The following PDZD2 variants were observed in gnomAD, a reference collection of about 807,000 sequenced individuals.
PDZD2 encodes the protein PDZ domain containing 2, also known as PDZ domain-containing protein 2.
PDZD2 carries 90 observed loss-of-function variants against 220.7 expected under a neutral mutation model. The observed-to-expected ratio is 0.41, with a 90% CI of 0.34 to 0.49. The LOEUF (loss-of-function observed/expected upper bound fraction) is 0.49, where lower values mean the gene tolerates loss of function less well. Among genes scored for constraint, PDZD2 ranks in the 20% least tolerant of loss-of-function variants. The probability of loss-of-function intolerance (pLI) is 0.28; values close to 1 mark genes in which losing one functional copy is unlikely to be tolerated. For missense variants in PDZD2, 3,174 were observed against 3,608.5 expected (o/e 0.88, Z 3.08); for synonymous variants, 1,375 against 1,450.5 (o/e 0.95, Z 1.18).
intron 2 of PDZD2, among the ~76,000 whole-genome samples, chr5:31,904,511 A>G (rs1013014300): frequency 6.6e-6 from 1 of 152,116 alleles, no homozygotes; most frequent in Non-Finnish European, 1.5e-5. Flanking sequence ...GGAAATCAAT[A>G]CTTGTTAATA....
intron 1 of PDZD2, among the ~76,000 whole-genome samples, chr5:31,698,789 C>T (rs150382829): frequency 0.01 from 1,526 of 152,264 alleles, 11 homozygotes; most frequent in Non-Finnish European, 0.014. Flanking sequence ...CAAGGTTACA[C>T]GAGGAAGTAC....
chr5:31,949,561 C>T (rs1746984897), intron 2 of PDZD2, among the ~76,000 whole-genome samples: 1 of 152,008 alleles, frequency 6.6e-6, no homozygotes, highest in African/African-American at 2.4e-5. Context: ...TGTATGAAAC[C>T]ATCATATCCT....
rs550990796 is a variant in PDZD2, at chr5:31,863,755, G to A, written c.476+64031G>A. On this transcript the variant is annotated intron_variant, in intron 2 of 24. Coordinates refer to ENST00000438447, the MANE Select transcript of PDZD2 (RefSeq NM_178140.4). ...ATTCCTTAGACAATATAAGCATTCC[G>A]TGGAAGTTTACACATAAAGAAATTT... Among the ~76,000 whole-genome samples, 13 of 152,232 alleles carry A rather than the reference G, an allele frequency of 8.5e-5. No homozygotes were observed. In the South Asian group the frequency reaches 2.1e-3, roughly 24 times the overall value.
chr5:32,006,698 T>C (rs1351424517), intron 5 of PDZD2, among the ~76,000 whole-genome samples: 3 of 143,116 alleles, frequency 2.1e-5, no homozygotes, highest in African/African-American at 7.9e-5. Flanking sequence ...TTTTTTTTTT[T>C]TTTTTTCCTG....
At chr5:31,974,517 C>T (rs1234250068) in intron 2 of PDZD2, among the ~76,000 whole-genome samples, 2 of 152,086 alleles carry the variant, frequency 1.3e-5, no homozygotes, top group African/African-American at 4.8e-5. Context: ...TGTGTATTTT[C>T]CCATTATACA....
intron 15 of PDZD2, 114 bp from the exon 16 acceptor site, chr5:32,071,270 C>A: frequency 1.3e-6 from 1 of 795,644 alleles, no homozygotes; most frequent in Non-Finnish European, 2.3e-6. Context: ...CGTCATCAAG[C>A]AAAGGGAGTT....
rs530880738 is a variant in PDZD2, at chr5:32,097,642, C to A, written c.7947+262C>A. Reference sequence around the variant, plus strand: ...TCGCTATAGCCTTATAATTTACCTCCATATTTTAAGCAGTAGAAAACATTA... The same window carrying A: ...TCGCTATAGCCTTATAATTTACCTCAATATTTTAAGCAGTAGAAAACATTA... On this transcript the variant is annotated intron_variant, in intron 22 of 24. Coordinates refer to ENST00000438447, the MANE Select transcript of PDZD2 (RefSeq NM_178140.4). Among the ~76,000 whole-genome samples the A allele has an allele frequency of 3.9e-5, 6 of 152,322 alleles. No individual in the cohort carries two copies. In the East Asian group the frequency reaches 9.6e-4, roughly 24 times the overall value.
Position 32,088,965 on chromosome 5 carries a change from A to C in PDZD2, c.5517A>C (p.Ser1839=). 2 of 1,614,052 alleles carry C rather than the reference A, an allele frequency of 1.2e-6. No individual in the cohort carries two copies. Among genetic ancestry groups the C allele is most frequent in the Non-Finnish European group, 1.7e-6 (2 of 1,180,008 alleles). Reference sequence around the variant, plus strand: ...ACTCCAAGATTCAGATGGTGAGTTCAAGCCAAAAAAAGGGCGTTACTGTGC... The same window carrying C: ...ACTCCAAGATTCAGATGGTGAGTTCCAGCCAAAAAAAGGGCGTTACTGTGC... ...SPDSKIQMVS[S]SQKKGVTVPH... Residue 1839 remains serine (S), a synonymous_variant, in exon 20 of 25, where the codon TCA becomes TCC. Coordinates refer to ENST00000438447, the MANE Select transcript of PDZD2 (RefSeq NM_178140.4). This position sits in a 1 kb window ranked among gnomAD's most constrained non-coding sequence, Gnocchi z 4.6.
chr5:31,866,281 G>A (rs1329345936), intron 2 of PDZD2, among the ~76,000 whole-genome samples: 2 of 152,174 alleles, frequency 1.3e-5, no homozygotes, highest in Non-Finnish European at 2.9e-5. Flanking sequence ...TTACAGGCAT[G>A]AGCCACCGCA....
rs139966462 is a variant in PDZD2 at position 32,090,514 on chromosome 5, G to A, written c.7066G>A (p.Gly2356Arg). The change falls in exon 20 of 25, where the codon GGG becomes AGG. Residue 2356 changes from glycine (G) to arginine (R), a missense_variant. Gly to Arg is a moderately radical substitution (Grantham distance 125). Coordinates refer to ENST00000438447, the MANE Select transcript of PDZD2 (RefSeq NM_178140.4). This position sits in a 1 kb window ranked among gnomAD's most constrained non-coding sequence, Gnocchi z 4.3. ...TGCTGACCGGCCTGTAGCCAAGTCCGGGGCTTCCCCATTTTTGTCGGTGAG... is the reference window on the plus strand; with the variant it reads ...TGCTGACCGGCCTGTAGCCAAGTCCAGGGCTTCCCCATTTTTGTCGGTGAG... ...ANADRPVAKS[G>R]ASPFLSVSSK... 2.3e-3 allele frequency: 3,767 copies of A among 1,613,926 alleles called. 9 individuals are homozygous for A. Among genetic ancestry groups the A allele is most frequent in the Non-Finnish European group, 2.8e-3 (3,269 of 1,179,982 alleles).
At chr5:31,774,918 A>AT (rs1473120151) in intron 1 of PDZD2, among the ~76,000 whole-genome samples, 4 of 152,322 alleles carry the variant, frequency 2.6e-5, no homozygotes, top group Non-Finnish European at 4.4e-5. Flanking sequence ...GCTGGCAGGG[A>AT]GGGGCCATCC....
intron 6 of PDZD2, among the ~76,000 whole-genome samples, chr5:32,024,447 C>T (rs1006052744): frequency 6.6e-6 from 1 of 151,992 alleles, no homozygotes; most frequent in Non-Finnish European, 1.5e-5. Flanking sequence ...CTTCGGGAGG[C>T]CAAGGCGGGC....
chr5:32,045,264 A>G (rs1226885758), intron 7 of PDZD2, among the ~76,000 whole-genome samples: 1 of 152,220 alleles, frequency 6.6e-6, no homozygotes, highest in East Asian at 1.9e-4. Context: ...ACTGGCTCCA[A>G]AATGGCTAAA....
chr5:31,947,378 G>A (rs1746739025), intron 2 of PDZD2, among the ~76,000 whole-genome samples: 1 of 152,090 alleles, frequency 6.6e-6, no homozygotes, highest in Non-Finnish European at 1.5e-5. Flanking sequence ...CTTGAGTGAC[G>A]TCAACCATCC....
At chr5:31,960,646 C>T (rs143354357) in intron 2 of PDZD2, among the ~76,000 whole-genome samples, 7 of 152,258 alleles carry the variant, frequency 4.6e-5, no homozygotes, top group Admixed American at 1.3e-4. Flanking sequence ...TGCTGGACCA[C>T]GAACCACTGC....
chr5:31,966,595 A>T (rs1340451515), intron 2 of PDZD2, among the ~76,000 whole-genome samples: 1 of 152,194 alleles, frequency 6.6e-6, no homozygotes, highest in Non-Finnish European at 1.5e-5. Flanking sequence ...AGAATCCAAG[A>T]CTTAAAAGTT....
At position 31,865,112 on chromosome 5, in the gene PDZD2, G is replaced by T. The variant is rs149378431; in HGVS notation, c.476+65388G>T. ...TCCGCCCGCCTCAGCCTCCCAAAGT[G>T]CTGGGATTACAGGCGTGAACCATCG... On this transcript the variant is annotated intron_variant, in intron 2 of 24. Coordinates refer to ENST00000438447, the MANE Select transcript of PDZD2 (RefSeq NM_178140.4). 7.2e-3 allele frequency among the ~76,000 whole-genome samples: 1,095 copies of T among 152,184 alleles called. 12 individuals are homozygous for T. Among genetic ancestry groups the T allele is most frequent in the African/African-American group, 0.025 (1,034 of 41,526 alleles).
At chr5:31,948,050 A>G (rs969539576) in intron 2 of PDZD2, among the ~76,000 whole-genome samples, 2 of 152,214 alleles carry the variant, frequency 1.3e-5, no homozygotes, top group Non-Finnish European at 2.9e-5. Flanking sequence ...AAACAGAATC[A>G]GTACAGGTGG....
intron 2 of PDZD2, among the ~76,000 whole-genome samples, chr5:31,829,126 C>T (rs919271453): frequency 6.6e-6 from 1 of 152,092 alleles, no homozygotes; most frequent in Non-Finnish European, 1.5e-5. Flanking sequence ...TCAGTGGCTG[C>T]TAGTGATGTT....
Sources: allele counts gnomAD v4.1 joint callset (sites outside exome capture counted in the v4.1 genomes callset), GRCh38; gene constraint gnomAD v4.1.1; non-coding constraint Gnocchi (gnomAD v3.1); transcripts MANE v1.5; gene names NCBI Gene and HGNC (gene_info 2026-07-23, HGNC 2026-07-21).